The following XKR9 variants were observed in gnomAD, a reference collection of about 807,000 sequenced individuals.
XKR9 encodes the protein XK-related protein 9.
Under a neutral mutation model 32.0 loss-of-function variants are expected in XKR9, and 32 were observed. The ratio of observed to expected loss-of-function variants is 1.00; its 90% confidence interval spans 0.76 to 1.34. XKR9 has a LOEUF of 1.34. XKR9 is among the 40% of genes most tolerant of loss of function. The probability of loss-of-function intolerance (pLI) is 0.00; values close to 1 mark genes in which losing one functional copy is unlikely to be tolerated. For missense variants in XKR9, 546 were observed against 429.7 expected (o/e 1.27, Z -2.39); for synonymous variants, 168 against 143.4 (o/e 1.17, Z -1.22).
At chr8:71,050,448 G>C in the XKR9 span, among the ~76,000 whole-genome samples, 1 of 151,870 alleles carries the variant, frequency 6.6e-6, no homozygotes, top group African/African-American at 2.4e-5. Context: ...AATGATATAC[G>C]GGGAAGACTC....
chr8:70,914,047 A>T, the XKR9 span, among the ~76,000 whole-genome samples: 17 of 152,136 alleles, frequency 1.1e-4, no homozygotes, highest in Non-Finnish European at 1.2e-4. Context: ...TTAAAAATAT[A>T]TTTTGATGAT....
chr8:70,729,726 T>C (rs1806599522), intron 4 of XKR9, among the ~76,000 whole-genome samples: 1 of 152,168 alleles, frequency 6.6e-6, no homozygotes, highest in African/African-American at 2.4e-5. Flanking sequence ...ATTAATGACA[T>C]CATATACTAA....
At chr8:70,959,952 G>A in the XKR9 span, among the ~76,000 whole-genome samples, 5 of 152,172 alleles carry the variant, frequency 3.3e-5, no homozygotes, top group Admixed American at 2.0e-4. Context: ...AAAGTTGGCC[G>A]GGAGTGGTGG....
the XKR9 span, among the ~76,000 whole-genome samples, chr8:71,011,945 T>C: frequency 6.6e-6 from 1 of 152,218 alleles, no homozygotes; most frequent in Admixed American, 6.5e-5. Flanking sequence ...TTGTAGTTTC[T>C]CTTATATACA....
chr8:70,939,313 G>C, the XKR9 span, among the ~76,000 whole-genome samples: 27 of 152,228 alleles, frequency 1.8e-4, no homozygotes, highest in African/African-American at 6.5e-4. Context: ...TTGGGTGCCA[G>C]CTTTTATGGA....
chr8:70,698,411 C>A (rs1805375572), intron 3 of XKR9, among the ~76,000 whole-genome samples: 1 of 152,150 alleles, frequency 6.6e-6, no homozygotes, highest in Non-Finnish European at 1.5e-5. Context: ...TTTCAAGGAA[C>A]ATCTTTATTT....
At chr8:70,680,015 C>CA (rs1002123983) in intron 2 of XKR9, among the ~76,000 whole-genome samples, 3 of 151,816 alleles carry the variant, frequency 2.0e-5, no homozygotes, top group East Asian at 3.9e-4. Context: ...AAAAAAACCT[C>CA]AAAAAAATGT....
the XKR9 span, among the ~76,000 whole-genome samples, chr8:70,811,540 G>C: frequency 2.4e-4 from 36 of 152,018 alleles, no homozygotes; most frequent in South Asian, 6.8e-3. Flanking sequence ...TGATAGACTG[G>C]TAGCAAGACT....
At chr8:70,749,072 A>C (rs1364360454) in intron 2 of XKR9, among the ~76,000 whole-genome samples, 1 of 152,174 alleles carries the variant, frequency 6.6e-6, no homozygotes, top group East Asian at 1.9e-4. Context: ...CTGGACATTC[A>C]TCGGGATGAC....
chr8:70,718,056 T>C (rs2132207432), intron 4 of XKR9, among the ~76,000 whole-genome samples: 1 of 152,266 alleles, frequency 6.6e-6, no homozygotes, highest in Non-Finnish European at 1.5e-5. Flanking sequence ...TTATTGTTCA[T>C]ATCACTATCA....
chr8:70,727,663 G>T (rs1806519822), intron 4 of XKR9, among the ~76,000 whole-genome samples: 1 of 152,050 alleles, frequency 6.6e-6, no homozygotes. Context: ...CTCCCAAAGT[G>T]CTGGGATTAC....
At chr8:71,010,638 G>A in the XKR9 span, among the ~76,000 whole-genome samples, 1 of 152,118 alleles carries the variant, frequency 6.6e-6, no homozygotes, top group Admixed American at 6.5e-5. Flanking sequence ...ATCATTACAT[G>A]GACCCCGATT....
chr8:70,989,722 G>A, the XKR9 span, among the ~76,000 whole-genome samples: 3 of 152,216 alleles, frequency 2.0e-5, no homozygotes, highest in Admixed American at 6.5e-5. Flanking sequence ...TTTTTAAGTT[G>A]ACAATTAAAT....
chr8:70,900,067 A>G, the XKR9 span, among the ~76,000 whole-genome samples: 1 of 151,962 alleles, frequency 6.6e-6, no homozygotes, highest in East Asian at 1.9e-4. Flanking sequence ...AAAAATGTGC[A>G]CTCCAGCCTG....
chr8:70,820,036 A>C, the XKR9 span, among the ~76,000 whole-genome samples: 1 of 152,200 alleles, frequency 6.6e-6, no homozygotes, highest in African/African-American at 2.4e-5. Flanking sequence ...ATGTTACTCC[A>C]AAATGCCATA....
the XKR9 span, among the ~76,000 whole-genome samples, chr8:70,898,101 T>C: frequency 6.6e-6 from 1 of 152,146 alleles, no homozygotes; most frequent in Non-Finnish European, 1.5e-5. Flanking sequence ...TGGTGAGGGA[T>C]AGGGGTCTAG....
intron 2 of XKR9, among the ~76,000 whole-genome samples, chr8:70,675,788 T>C (rs1818864182): frequency 6.6e-6 from 1 of 152,214 alleles, no homozygotes; most frequent in Admixed American, 6.5e-5. Flanking sequence ...AGCCTGGACT[T>C]CATTGTCCAT....
the XKR9 span, among the ~76,000 whole-genome samples, chr8:70,945,048 G>A: frequency 6.6e-6 from 1 of 152,236 alleles, no homozygotes; most frequent in South Asian, 2.1e-4. Context: ...TGTGGAACTG[G>A]GTACAGATTA....
chr8:70,831,961 G>A, the XKR9 span, among the ~76,000 whole-genome samples: 2 of 152,076 alleles, frequency 1.3e-5, no homozygotes, highest in African/African-American at 4.8e-5. Context: ...TTTCTTATGT[G>A]TCTGAGCAGC....
Sources: gnomAD v4.1 joint callset for allele counts (sites outside exome capture counted in the v4.1 genomes callset) on GRCh38, gnomAD v4.1.1 for gene constraint, MANE v1.5 for transcripts, NCBI Gene and HGNC (gene_info 2026-07-23, HGNC 2026-07-21) for gene names.